The following TGM4 variants were observed in gnomAD, a reference collection of about 807,000 sequenced individuals.
TGM4 encodes the protein protein-glutamine gamma-glutamyltransferase 4.
TGM4 carries 61 observed loss-of-function variants against 76.3 expected under a neutral mutation model. That is an observed-to-expected ratio of 0.80 (90% CI 0.65 to 0.99). The LOEUF (loss-of-function observed/expected upper bound fraction) is 0.99, where lower values mean the gene tolerates loss of function less well. Ranked by LOEUF, TGM4 falls within the 50% of genes least tolerant of loss-of-function variation. The pLI is 0.00. For missense variants in TGM4, 794 were observed against 843.2 expected (o/e 0.94, Z 0.72); for synonymous variants, 337 against 329.8 (o/e 1.02, Z -0.24).
intron 5 of TGM4, 61 bp from the exon 6 acceptor site, chr3:44,896,648 G>T: frequency 6.7e-7 from 1 of 1,493,008 alleles, no homozygotes; most frequent in Non-Finnish European, 9.3e-7. Flanking sequence ...TAGATGGTAT[G>T]TGTTAAGTTT....
chr3:44,876,585 A>G (rs1487091676), intron 1 of TGM4: 1 of 152,150 alleles, frequency 6.6e-6, no homozygotes, highest in Non-Finnish European at 1.5e-5. Flanking sequence ...TATCTATCTC[A>G]TGGCTTATCC....
At position 44,911,014 on chromosome 3, in the gene TGM4, T is replaced by C; in HGVS notation, c.1663T>C (p.Leu555=). The change falls in exon 12 of 14, where the codon TTA becomes CTA. Residue 555 remains leucine, a synonymous_variant. Coordinates refer to ENST00000296125, the MANE Select transcript of TGM4 (RefSeq NM_003241.4). ...GACCTACATCAACAGCCTGGCTATA[T>C]TAGATGATGAGCCAGTTATCAGAGG... ...SKTYINSLAI[L]DDEPVIRGFI... 5 of 1,614,164 alleles carry C rather than the reference T, an allele frequency of 3.1e-6. No individual in the cohort carries two copies. Among genetic ancestry groups the C allele is most frequent in the Non-Finnish European group, 4.2e-6 (5 of 1,180,012 alleles).
At chr3:44,885,795 T>C (rs1468027674) in intron 2 of TGM4, among the ~76,000 whole-genome samples, 1 of 152,110 alleles carries the variant, frequency 6.6e-6, no homozygotes, top group Non-Finnish European at 1.5e-5. Flanking sequence ...GAACATTTTG[T>C]AGAGATGAAT....
Position 44,910,080 on chromosome 3 carries a change from T to A in TGM4, c.1328-10T>A, listed in dbSNP as rs765897385. 1.9e-6 allele frequency: 3 copies of A among 1,609,722 alleles called. No homozygotes were observed. The East Asian group carries it at 6.7e-5, about 36-fold the overall frequency. On this transcript the variant is annotated splice_polypyrimidine_tract_variant and intron_variant, in intron 10 of 13. Transcript: ENST00000296125. ...GCACCTGAAGGAAGCTGCCTTTGTGTCTCTTTCAGGCTCCTCTGAGGAGAG... is the reference window on the plus strand; with the variant it reads ...GCACCTGAAGGAAGCTGCCTTTGTGACTCTTTCAGGCTCCTCTGAGGAGAG...
At chr3:44,907,771 C>T (rs1379424123) in intron 10 of TGM4, among the ~76,000 whole-genome samples, 1 of 152,236 alleles carries the variant, frequency 6.6e-6, no homozygotes, top group Non-Finnish European at 1.5e-5. Flanking sequence ...CTACTATCCA[C>T]AGGCTCATAC....
At chr3:44,894,872 C>T (rs957824814) in intron 5 of TGM4, among the ~76,000 whole-genome samples, 1 of 152,044 alleles carries the variant, frequency 6.6e-6, no homozygotes, top group African/African-American at 2.4e-5. Flanking sequence ...TCAGCATCCT[C>T]TCCTCACACA....
chr3:44,886,553 C>T (rs1043845729), intron 2 of TGM4, among the ~76,000 whole-genome samples: 1 of 152,182 alleles, frequency 6.6e-6, no homozygotes, highest in African/African-American at 2.4e-5. Context: ...ACCTGCTCAA[C>T]GCATGGACTG....
In TGM4 at chr3:44,896,255, G is replaced by A. The variant is rs1407099482; in HGVS notation, c.550-454G>A. Among the ~76,000 whole-genome samples, 4 of 152,120 alleles carry A rather than the reference G, an allele frequency of 2.6e-5. No individual in the cohort carries two copies. In the South Asian group the frequency reaches 8.3e-4, roughly 31 times the overall value. Reference sequence around the variant, plus strand: ...GCTTCCCGAGTAGCTGGGATTACAGGCATGCACCACCACGCCCGGCTAATT... The same window carrying A: ...GCTTCCCGAGTAGCTGGGATTACAGACATGCACCACCACGCCCGGCTAATT... On this transcript the variant is annotated intron_variant, in intron 5 of 13. Transcript: ENST00000296125.
In TGM4 at chr3:44,885,468, TACC is replaced by T. The variant is rs1339583655; in HGVS notation, c.168_170del (p.His56del). The T allele has an allele frequency of 6.2e-7, 1 of 1,612,154 alleles. No individual in the cohort carries two copies. Among genetic ancestry groups the T allele is most frequent in the African/African-American group, 1.3e-5 (1 of 74,850 alleles). On this transcript the variant is annotated inframe_deletion, in exon 2 of 14. Transcript: ENST00000296125. Reference sequence around the variant, plus strand: ...GGTGCTGAACCAGCCCCTACAATCCTACCACCAACTGAAACTGGAATTCAGCAC... The same window carrying T: ...GGTGCTGAACCAGCCCCTACAATCCTACCAACTGAAACTGGAATTCAGCAC...
rs1699859156 is a variant in TGM4, at chr3:44,901,854, A to C, written c.894A>C (p.Thr298=). ...CAGGCTTCGATTCAGCTCACGACAC[A>C]GAAAGGAACCTCACGGTGGACACCT... The part of the protein sequence containing the change: ...SVTGFDSAHD[T]ERNLTVDTYV... Residue 298 remains threonine, a synonymous_variant, in exon 8 of 14, where the codon ACA becomes ACC. Transcript: ENST00000296125. 6.2e-7 allele frequency: 1 copy of C among 1,614,110 alleles called. No individual in the cohort carries two copies. Among genetic ancestry groups the C allele is most frequent in the African/African-American group, 1.3e-5 (1 of 74,938 alleles).
At chr3:44,902,056 C>T in intron 8 of TGM4, 125 bp downstream of exon 8, 1 of 1,159,528 alleles carries the variant, frequency 8.6e-7, no homozygotes. Flanking sequence ...AGCAGTCCTC[C>T]TGCCTTAGCC....
In TGM4 at chr3:44,906,953, C is replaced by T; in HGVS notation, c.1080C>T (p.Val360=). The change falls in exon 10 of 14, where the codon GTC becomes GTT. Residue 360 remains valine (V), a synonymous_variant. Coordinates refer to ENST00000296125, the MANE Select transcript of TGM4 (RefSeq NM_003241.4). ...CCACCCCTGGCTTCCCCTCAGGTGT[C>T]TTCTGCTGTGGGCCATCACCACTGA... The part of the protein sequence containing the change: ...DATPQERSQG[V]FCCGPSPLTA... 6.2e-7 allele frequency: 1 copy of T among 1,613,714 alleles called. No homozygotes were observed. The highest frequency in any genetic ancestry group is 1.3e-5 in the African/African-American group (1 of 75,008).
rs1412108070 is a variant in TGM4 at position 44,913,756 on chromosome 3, G to A, written c.*31G>A. 15 of 1,596,654 alleles carry A rather than the reference G, an allele frequency of 9.4e-6. No homozygotes were observed. The highest frequency in any genetic ancestry group is 1.4e-5 in the African/African-American group (1 of 73,982). ...TCTGATGCTGTGGAGCCTTAGTTGA[G>A]ATTTCAGCATTTCCTACCTTGTGCT... On this transcript the variant is annotated 3_prime_UTR_variant, in exon 14 of 14. Transcript: ENST00000296125.
chr3:44,893,312 C>T (rs1401566606), intron 4 of TGM4, among the ~76,000 whole-genome samples: 1 of 152,212 alleles, frequency 6.6e-6, no homozygotes, highest in Non-Finnish European at 1.5e-5. Flanking sequence ...TGGACTCTCT[C>T]TTTCTTTTCA....
At chr3:44,892,483 G>A (rs1293812507) in intron 4 of TGM4, among the ~76,000 whole-genome samples, 1 of 148,532 alleles carries the variant, frequency 6.7e-6, no homozygotes. Context: ...CAATTCTTCT[G>A]CCTCAGCCTC....
intron 9 of TGM4, among the ~76,000 whole-genome samples, chr3:44,905,686 C>A (rs773322806): frequency 3.7e-4 from 57 of 152,334 alleles, no homozygotes; most frequent in Non-Finnish European, 6.5e-4. Context: ...CAATGTGAGC[C>A]CACATGGCCC....
intron 1 of TGM4, among the ~76,000 whole-genome samples, chr3:44,875,476 T>C (rs1699439387): frequency 6.6e-6 from 1 of 152,172 alleles, no homozygotes; most frequent in Non-Finnish European, 1.5e-5. Context: ...GAGTGGGGAA[T>C]AGCAGAGCGG....
intron 1 of TGM4, 102 bp downstream of exon 1, chr3:44,874,799 C>A: frequency 1.4e-6 from 2 of 1,431,448 alleles, no homozygotes; most frequent in Non-Finnish European, 1.9e-6. Flanking sequence ...ATTGCCCTCT[C>A]ACCCTGACTT....
intron 4 of TGM4, among the ~76,000 whole-genome samples, chr3:44,892,472 G>A (rs1237332731): frequency 1.3e-5 from 2 of 150,074 alleles, no homozygotes; most frequent in African/African-American, 4.9e-5. Context: ...CTGGGTTCAA[G>A]CAATTCTTCT....
Sources: allele counts gnomAD v4.1 joint callset (sites outside exome capture counted in the v4.1 genomes callset), GRCh38; gene constraint gnomAD v4.1.1; transcripts MANE v1.5; gene names NCBI Gene and HGNC (gene_info 2026-07-23, HGNC 2026-07-21).